Variants in CDKL3 observed in about 807,000 individuals in gnomAD.
CDKL3 encodes the protein cyclin-dependent kinase-like 3.
In CDKL3, 65 loss-of-function variants were observed where a neutral mutation model predicts 69.3. The observed-to-expected ratio is 0.94, with a 90% CI of 0.77 to 1.15. The LOEUF is 1.15. Ranked by LOEUF, CDKL3 falls within the 50% of genes most tolerant of loss-of-function variation. The pLI is 0.00. For missense variants in CDKL3, 652 were observed against 689.2 expected (o/e 0.95, Z 0.61); for synonymous variants, 202 against 221.6 (o/e 0.91, Z 0.79).
chr5:134,350,449 A>G (rs1322486751), intron 3 of CDKL3, 22 bp from the exon 4 acceptor site: 2 of 1,415,258 alleles, frequency 1.4e-6, no homozygotes, highest in South Asian at 2.5e-5. Context: ...ACAGAATACA[A>G]AATACATTAA....
intron 4 of CDKL3, among the ~76,000 whole-genome samples, chr5:134,339,257 G>GA (rs534635197): frequency 3.4e-3 from 511 of 152,032 alleles, no homozygotes; most frequent in Non-Finnish European, 5.7e-3. Context: ...CCTGGAGGGG[G>GA]AAAAAAACCT....
chr5:134,350,223 C>G, intron 4 of CDKL3, 26 bp downstream of exon 4: 2 of 1,497,014 alleles, frequency 1.3e-6, no homozygotes. Context: ...CTAGGAAAGG[C>G]TGACAGGATC....
chr5:134,295,145 T>C (rs1765295863), downstream of CDKL3, among the ~76,000 whole-genome samples: 1 of 151,388 alleles, frequency 6.6e-6, no homozygotes, highest in South Asian at 2.1e-4. Flanking sequence ...CTCCCCCAAG[T>C]AGCTGGGATT....
intron 12 of CDKL3, chr5:134,302,292 T>C: frequency 4.4e-6 from 2 of 458,126 alleles, no homozygotes; most frequent in South Asian, 3.2e-5. Context: ...ATTTATACCA[T>C]TATTCATTTT....
At chr5:134,366,641 T>A in intron 1 of CDKL3, 97 bp from the exon 2 acceptor site, 1 of 773,480 alleles carries the variant, frequency 1.3e-6, no homozygotes, top group Non-Finnish European at 2.0e-6. Flanking sequence ...ACCCACAGTC[T>A]CAAATATAGA....
upstream of CDKL3, among the ~76,000 whole-genome samples, chr5:134,367,886 CAT>C (rs566628440): frequency 2.0e-3 from 298 of 152,294 alleles, 4 homozygotes; most frequent in African/African-American, 6.5e-3. Context: ...CTTAAGTAGA[CAT>C]AGAGTTCAAC....
At chr5:134,292,195 T>C (rs537515059) in intron 8 of CDKL3, among the ~76,000 whole-genome samples, 5 of 152,234 alleles carry the variant, frequency 3.3e-5, no homozygotes, top group African/African-American at 1.2e-4. Context: ...GCACAAATAT[T>C]CACTAAGATA....
chr5:134,288,147 GC>G (rs200556023), intron 8 of CDKL3, among the ~76,000 whole-genome samples: 3,452 of 152,152 alleles, frequency 0.023, 109 homozygotes, highest in African/African-American at 0.078. Context: ...GCCCGCCTTG[GC>G]CTCCCAAAGT....
chr5:134,341,384 A>G (rs78250763), intron 4 of CDKL3, among the ~76,000 whole-genome samples: 1 of 152,258 alleles, frequency 6.6e-6, no homozygotes, highest in Admixed American at 6.5e-5. Context: ...GCAAAAAGGT[A>G]AAACTATATC....
chr5:134,302,117 T>A, intron 12 of CDKL3: 1 of 456,114 alleles, frequency 2.2e-6, no homozygotes, highest in African/African-American at 2.0e-5. Flanking sequence ...GGGTAGGGAC[T>A]GGGAATATTT....
upstream of CDKL3, chr5:134,371,409 G>GGCGGAGGGCGGAGGGAT (rs947555926): frequency 2.4e-5 from 18 of 747,230 alleles, no homozygotes; most frequent in East Asian, 1.4e-4. Context: ...CTGTGGTAGC[G>GGCGGAGGGCGGAGGGAT]GCGGAGGGCG....
At chr5:134,311,401 A>G (rs1280410292) in intron 7 of CDKL3, among the ~76,000 whole-genome samples, 1 of 152,144 alleles carries the variant, frequency 6.6e-6, no homozygotes, top group Non-Finnish European at 1.5e-5. Context: ...GCTACTCTGG[A>G]GCCTGAGGCA....
At chr5:134,293,743 T>A (rs560597361), downstream of CDKL3, among the ~76,000 whole-genome samples, 1 of 152,182 alleles carries the variant, frequency 6.6e-6, no homozygotes, top group Non-Finnish European at 1.5e-5. Context: ...AAGGCTGCAG[T>A]GAGCTATGAT....
At chr5:134,303,212 C>A (rs1300193375) in intron 11 of CDKL3, among the ~76,000 whole-genome samples, 1 of 151,968 alleles carries the variant, frequency 6.6e-6, no homozygotes, top group African/African-American at 2.4e-5. Flanking sequence ...CTGCCTCAGC[C>A]TCCCAAGTAG....
intron 3 of CDKL3, among the ~76,000 whole-genome samples, chr5:134,352,113 T>C (rs1002351431): frequency 1.3e-5 from 2 of 152,156 alleles, no homozygotes; most frequent in Non-Finnish European, 2.9e-5. Flanking sequence ...CTTTTATAGA[T>C]TCTGTATGTA....
chr5:134,331,145 G>C (rs1775687502), intron 4 of CDKL3, among the ~76,000 whole-genome samples: 1 of 152,134 alleles, frequency 6.6e-6, no homozygotes, highest in African/African-American at 2.4e-5. Flanking sequence ...TGTCTATACT[G>C]TTGGCTACTG....
chr5:134,319,499 T>G lies in CDKL3; in HGVS notation c.653-2A>C. 6.6e-7 allele frequency: 1 copy of G among 1,518,232 alleles called. No individual in the cohort carries two copies. The highest frequency in any genetic ancestry group is 2.5e-5 in the East Asian group (1 of 40,344). The allele number at this position is 1,518,232 out of a possible 1,614,324, so 94.0% of individuals were successfully genotyped here. On this transcript the variant is annotated splice_acceptor_variant, in intron 5 of 12. Coordinates refer to ENST00000265334, the MANE Select transcript of CDKL3 (RefSeq NM_001113575.2). LOFTEE classifies it high-confidence loss of function. ...TCTGCAAGTGAGGTGACAAATTGCC[T>G]GAAAAGAGAAAAAAATGTATATTTA... is the stretch of plus-strand genomic sequence containing the variant.
At chr5:134,317,452 C>T (rs566713525) in intron 6 of CDKL3, among the ~76,000 whole-genome samples, 4 of 152,116 alleles carry the variant, frequency 2.6e-5, no homozygotes, top group Non-Finnish European at 4.4e-5. Context: ...CTGCACCTAG[C>T]CATTTTAAAT....
chr5:134,350,057 G>A (rs562999209), intron 4 of CDKL3, among the ~76,000 whole-genome samples, 192 bp downstream of exon 4: 41 of 152,164 alleles, frequency 2.7e-4, no homozygotes, highest in Non-Finnish European at 4.6e-4. Context: ...GAGTGGTGGT[G>A]TGCACCTGTA....
Sources: gnomAD v4.1 joint callset for allele counts (sites outside exome capture counted in the v4.1 genomes callset) on GRCh38, gnomAD v4.1.1 for gene constraint, MANE v1.5 for transcripts, NCBI Gene and HGNC (gene_info 2026-07-23, HGNC 2026-07-21) for gene names.